Variants in TUBGCP5 observed in about 807,000 individuals in gnomAD.
TUBGCP5 encodes the protein gamma-tubulin complex component 5.
In TUBGCP5, 98 loss-of-function variants were observed where a neutral mutation model predicts 134.7. The observed-to-expected ratio is 0.73, with a 90% confidence interval of 0.62 to 0.86. The LOEUF is 0.86. TUBGCP5 is among the 40% of genes least tolerant of loss of function. The pLI is 0.00. For synonymous variants in TUBGCP5, 456 were observed against 431.4 expected, an observed-to-expected ratio of 1.06 and a Z score of -0.71; for missense variants, 1,150 against 1,244.8, an observed-to-expected ratio of 0.92 and a Z score of 1.15.
intron 8 of TUBGCP5, among the ~76,000 whole-genome samples, chr15:23,025,759 A>AGGTGAAGCTTGCAGGC (rs2065947632): frequency 6.6e-6 from 1 of 150,612 alleles, no homozygotes; most frequent in African/African-American, 2.4e-5. Context: ...TGAACCCAGG[A>AGGTGAAGCTTGCAGGC]GGTGAAGCTT....
At chr15:23,020,821 C>T (rs1349178988) in intron 11 of TUBGCP5, among the ~76,000 whole-genome samples, 1 of 152,138 alleles carries the variant, frequency 6.6e-6, no homozygotes, top group African/African-American at 2.4e-5. Flanking sequence ...TCACTGCAGC[C>T]TTGACCTTCC....
At chr15:23,020,114 TA>T (rs35626071) in intron 11 of TUBGCP5, among the ~76,000 whole-genome samples, 6 of 149,802 alleles carry the variant, frequency 4.0e-5, no homozygotes, top group African/African-American at 2.5e-5. Context: ...CCATCTCTAT[TA>T]AAAAAAAATA....
chr15:23,024,979 G>A, intron 8 of TUBGCP5, 149 bp from the exon 9 acceptor site: 1 of 569,822 alleles, frequency 1.8e-6, no homozygotes, highest in Non-Finnish European at 3.1e-6. Context: ...ACAGCTCACT[G>A]GAGCCACAAC....
At chr15:22,996,564 C>G (rs1250458217), downstream of TUBGCP5, among the ~76,000 whole-genome samples, 2 of 152,142 alleles carry the variant, frequency 1.3e-5, no homozygotes, top group Non-Finnish European at 1.5e-5. Flanking sequence ...TGGCTCACTG[C>G]CACTTCCAAC....
intron 16 of TUBGCP5, among the ~76,000 whole-genome samples, chr15:23,007,982 C>G (rs146598438): frequency 6.6e-6 from 1 of 152,146 alleles, no homozygotes; most frequent in Non-Finnish European, 1.5e-5. Context: ...ACTGAAAAAC[C>G]TCATGTGTGG....
intron 13 of TUBGCP5, among the ~76,000 whole-genome samples, chr15:23,015,917 G>A (rs1439532915): frequency 6.6e-6 from 1 of 152,172 alleles, no homozygotes; most frequent in African/African-American, 2.4e-5. Context: ...CCCACCAGAT[G>A]TGTAGAAATC....
chr15:23,023,277 CAG>C (rs1301177731), intron 10 of TUBGCP5: 1 of 150,244 alleles, frequency 6.7e-6, no homozygotes. Context: ...TTGCAGTAAG[CAG>C]AGATTGAGCC....
At chr15:22,998,869 G>A (rs750659474), downstream of TUBGCP5, among the ~76,000 whole-genome samples, 12 of 152,044 alleles carry the variant, frequency 7.9e-5, no homozygotes, top group African/African-American at 2.9e-4. Flanking sequence ...CGCCCACCTC[G>A]GCCTCCCAAA....
chr15:22,998,399 G>T (rs1397052880), downstream of TUBGCP5, among the ~76,000 whole-genome samples: 2 of 152,178 alleles, frequency 1.3e-5, no homozygotes, highest in Admixed American at 6.6e-5. Flanking sequence ...ATCGCTATCA[G>T]TTGAAGCTAT....
At chr15:22,986,382 T>C (rs1425844034) in intron 23 of TUBGCP5, among the ~76,000 whole-genome samples, 1 of 152,054 alleles carries the variant, frequency 6.6e-6, no homozygotes, top group Non-Finnish European at 1.5e-5. Context: ...CATGTACATA[T>C]TGTGGGATTT....
At chr15:23,011,020 G>C in intron 14 of TUBGCP5, 113 bp downstream of exon 14, 1 of 976,086 alleles carries the variant, frequency 1.0e-6, no homozygotes, top group Non-Finnish European at 1.5e-6. Context: ...AAAAAGAAAG[G>C]ATAGCCTACA....
At chr15:23,025,508 A>G (rs2065932635) in intron 8 of TUBGCP5, among the ~76,000 whole-genome samples, 1 of 152,196 alleles carries the variant, frequency 6.6e-6, no homozygotes, top group African/African-American at 2.4e-5. Context: ...GTACGGGCAC[A>G]GGCCCTCATT....
chr15:22,995,396 C>T (rs1159551903), downstream of TUBGCP5, among the ~76,000 whole-genome samples: 2 of 151,988 alleles, frequency 1.3e-5, no homozygotes, highest in African/African-American at 4.8e-5. Context: ...TCCGGCTCCA[C>T]CTTGTTCGTG....
chr15:23,008,840 A>G lies in TUBGCP5; in HGVS notation c.2186T>C (p.Met729Thr), dbSNP rs1229626403. ...YLQAMRNFFL[M>T]EGGDTMYDFY... ...GTCATACATGGTATCTCCTCCTTCC[A>G]TTAAGAAAAAATTCCTCATAGCTTG... The change falls in exon 16 of 23, where the codon ATG (methionine) becomes ACG (threonine). Residue 729 changes from methionine (M) to threonine (T), a missense_variant. Transcript: ENST00000615383. 2 of 1,580,090 alleles carry G rather than the reference A, an allele frequency of 1.3e-6. No individual in the cohort carries two copies. Among genetic ancestry groups the G allele is most frequent in the Non-Finnish European group, 1.7e-6 (2 of 1,170,298 alleles).
chr15:22,998,514 A>G (rs1388881012), downstream of TUBGCP5, among the ~76,000 whole-genome samples: 1 of 152,010 alleles, frequency 6.6e-6, no homozygotes. Context: ...GCTGGAGTGC[A>G]GTGATGCAAT....
intron 22 of TUBGCP5, chr15:23,000,316 C>G: frequency 2.4e-6 from 3 of 1,274,698 alleles, no homozygotes; most frequent in Non-Finnish European, 3.0e-6. Flanking sequence ...CTGCCATCAA[C>G]TTTATTTAAT....
intron 6 of TUBGCP5, 75 bp downstream of exon 6, chr15:23,030,810 C>T: frequency 2.6e-6 from 4 of 1,560,386 alleles, no homozygotes; most frequent in Non-Finnish European, 3.5e-6. Flanking sequence ...TTACATGGAA[C>T]TGATCTCAAA....
chr15:23,003,009 G>C (rs2064478937), intron 21 of TUBGCP5, 56 bp downstream of exon 21: 2 of 1,565,862 alleles, frequency 1.3e-6, no homozygotes, highest in African/African-American at 1.4e-5. Context: ...CTAAAAAAAA[G>C]GGAAGCTGAA....
intron 13 of TUBGCP5, among the ~76,000 whole-genome samples, chr15:23,014,704 G>A (rs1253064924): frequency 6.6e-6 from 1 of 152,166 alleles, no homozygotes. Flanking sequence ...TAGCAAAGCA[G>A]CCTTGTACCC....
Sources: allele counts gnomAD v4.1 joint callset (sites outside exome capture counted in the v4.1 genomes callset), GRCh38; gene constraint gnomAD v4.1.1; transcripts MANE v1.5; gene names NCBI Gene and HGNC (gene_info 2026-07-23, HGNC 2026-07-21).